Variants in ZFAT observed in about 807,000 individuals in gnomAD.
The protein encoded by ZFAT is zinc finger and AT-hook domain containing.
In ZFAT, 64 loss-of-function variants were observed where a neutral mutation model predicts 117.7. The ratio of observed to expected loss-of-function variants is 0.54; its 90% confidence interval spans 0.44 to 0.67. The LOEUF (loss-of-function observed/expected upper bound fraction) is 0.67. Among genes scored for constraint, ZFAT ranks in the 30% least tolerant of loss-of-function variants. The pLI is 0.00. For synonymous variants in ZFAT, 679 were observed against 615.0 expected (o/e 1.10, Z -1.54); for missense variants, 1,433 against 1,584.5 (o/e 0.90, Z 1.62).
rs542038050 is a variant in ZFAT at position 134,576,707 on chromosome 8, T to C, written c.2887+7125A>G. ...AACAAAACTCCATACTTAGATCTCC[T>C]AGAATATTTTAATTTGCAGCCATGA... is the stretch of plus-strand genomic sequence containing the variant. On this transcript the variant is annotated intron_variant, in intron 10 of 15. Transcript: ENST00000377838. 2.6e-5 allele frequency among the ~76,000 whole-genome samples: 4 copies of C among 152,288 alleles called. No homozygotes were observed. The East Asian group carries it at 7.7e-4, about 29-fold the overall frequency.
At chr8:134,653,535 G>A (rs1327723985) in intron 2 of ZFAT, among the ~76,000 whole-genome samples, 1 of 145,952 alleles carries the variant, frequency 6.9e-6, no homozygotes, top group African/African-American at 2.5e-5. Flanking sequence ...AAAATGCTAG[G>A]ATTACAGGCA....
chr8:134,783,171 T>C, the ZFAT span, among the ~76,000 whole-genome samples: 1 of 152,224 alleles, frequency 6.6e-6, no homozygotes, highest in African/African-American at 2.4e-5. Context: ...TTAGCTGTTT[T>C]CAATGTATGA....
intron 11 of ZFAT, among the ~76,000 whole-genome samples, chr8:134,534,291 G>A (rs1351515095): frequency 6.6e-6 from 1 of 152,170 alleles, no homozygotes; most frequent in East Asian, 1.9e-4. Context: ...AATTCTTACT[G>A]TGCATCTGGA....
the ZFAT span, among the ~76,000 whole-genome samples, chr8:134,806,446 C>G: frequency 1.3e-5 from 2 of 152,130 alleles, no homozygotes; most frequent in Non-Finnish European, 2.9e-5. Context: ...TTTACAACAA[C>G]AACTATTCAA....
chr8:134,675,562 C>A (rs1009654438), intron 1 of ZFAT, among the ~76,000 whole-genome samples: 1 of 152,154 alleles, frequency 6.6e-6, no homozygotes, highest in African/African-American at 2.4e-5. Flanking sequence ...CTTCCCCAAC[C>A]TAGCAAGGCC....
At chr8:134,814,858 A>G in the ZFAT span, among the ~76,000 whole-genome samples, 3 of 152,226 alleles carry the variant, frequency 2.0e-5, no homozygotes, top group Admixed American at 1.3e-4. Context: ...CAGAGAAGGC[A>G]GCAGATACAA....
intron 7 of ZFAT, among the ~76,000 whole-genome samples, chr8:134,590,717 AT>A (rs1165016271): frequency 8.0e-6 from 1 of 125,672 alleles, no homozygotes; most frequent in Non-Finnish European, 1.7e-5. Context: ...CACCATCACC[AT>A]TACCACCACC....
the ZFAT span, among the ~76,000 whole-genome samples, chr8:134,740,404 C>T: frequency 0.079 from 12,020 of 152,234 alleles, 608 homozygotes; most frequent in Non-Finnish European, 0.12. Context: ...AATGCTGGTC[C>T]CTAAACAATG....
chr8:134,792,752 CAT>C, the ZFAT span: 7 of 152,174 alleles, frequency 4.6e-5, no homozygotes, highest in Non-Finnish European at 1.0e-4. Context: ...TGATCACTGT[CAT>C]ATGACTAGAA....
At chr8:134,731,639 C>T in the ZFAT span, among the ~76,000 whole-genome samples, 1 of 152,182 alleles carries the variant, frequency 6.6e-6, no homozygotes, top group African/African-American at 2.4e-5. Context: ...AGGTGCACAG[C>T]TATGGTATGT....
the ZFAT span, among the ~76,000 whole-genome samples, chr8:134,761,678 G>A: frequency 5.3e-5 from 8 of 151,102 alleles, no homozygotes; most frequent in African/African-American, 1.5e-4. Flanking sequence ...CCAGCCTGGC[G>A]ACAAAGCGAG....
the ZFAT span, among the ~76,000 whole-genome samples, chr8:134,820,679 A>G: frequency 6.6e-6 from 1 of 152,260 alleles, no homozygotes; most frequent in Admixed American, 6.5e-5. Context: ...GGGACATGTC[A>G]CTTTAACATT....
upstream of ZFAT, among the ~76,000 whole-genome samples, chr8:134,717,342 G>A (rs1321961889): frequency 6.6e-6 from 1 of 150,488 alleles, no homozygotes; most frequent in Non-Finnish European, 1.5e-5. Flanking sequence ...GCCCAAGGCT[G>A]CCACTCAGTG....
At chr8:134,708,739 G>A (rs973397481) in intron 1 of ZFAT, among the ~76,000 whole-genome samples, 5 of 152,090 alleles carry the variant, frequency 3.3e-5, no homozygotes, top group Non-Finnish European at 1.5e-5. Flanking sequence ...GATCACCTGA[G>A]GTCAGGAGTT....
the ZFAT span, among the ~76,000 whole-genome samples, chr8:134,782,408 G>C: frequency 6.6e-6 from 1 of 152,162 alleles, no homozygotes; most frequent in East Asian, 1.9e-4. Context: ...ATAGAATGCT[G>C]TCTTTAAGAA....
At chr8:134,543,134 T>C (rs891370629) in intron 11 of ZFAT, among the ~76,000 whole-genome samples, 23 of 144,288 alleles carry the variant, frequency 1.6e-4, no homozygotes, top group African/African-American at 4.2e-4. Context: ...ACAGAAGAGA[T>C]AGGGTAACAT....
At chr8:134,722,881 A>T in the ZFAT span, 100 of 152,318 alleles carry the variant, frequency 6.6e-4, no homozygotes, top group African/African-American at 2.3e-3. Context: ...ATTAAGGTAA[A>T]GGGAGGTCAT....
At chr8:134,606,862 T>C (rs1827927103) in intron 5 of ZFAT, among the ~76,000 whole-genome samples, 1 of 152,222 alleles carries the variant, frequency 6.6e-6, no homozygotes, top group African/African-American at 2.4e-5. Flanking sequence ...GTGGTTATCT[T>C]TGGGCAATAA....
At chr8:134,826,389 C>G in the ZFAT span, among the ~76,000 whole-genome samples, 1 of 152,158 alleles carries the variant, frequency 6.6e-6, no homozygotes, top group East Asian at 1.9e-4. Flanking sequence ...GTTTATAAAT[C>G]AAAATTAAAA....
Sources: allele counts gnomAD v4.1 joint callset (sites outside exome capture counted in the v4.1 genomes callset), GRCh38; gene constraint gnomAD v4.1.1; transcripts MANE v1.5; gene names NCBI Gene and HGNC (gene_info 2026-07-23, HGNC 2026-07-21).